Variants in HOMER2 observed in about 807,000 individuals in gnomAD.
The protein encoded by HOMER2 is homer protein homolog 2.
HOMER2 carries 27 observed loss-of-function variants against 47.0 expected under a neutral mutation model. The ratio of observed to expected loss-of-function variants is 0.57; its 90% CI spans 0.42 to 0.79. HOMER2 has a LOEUF of 0.79. HOMER2 is among the 30% of genes least tolerant of loss of function. HOMER2 has a pLI of 0.00. For missense variants in HOMER2, 443 were observed against 435.0 expected, an observed-to-expected ratio of 1.02 and a Z score of -0.16; for synonymous variants, 161 against 163.8, an observed-to-expected ratio of 0.98 and a Z score of 0.13.
chr15:82,950,304 A>G (rs1477230907), intron 1 of HOMER2, among the ~76,000 whole-genome samples: 1 of 152,210 alleles, frequency 6.6e-6, no homozygotes, highest in Non-Finnish European at 1.5e-5. Context: ...GAAGTGGAAA[A>G]TGGTAGTGAA....
chr15:82,906,040 G>C (rs996428535), intron 1 of HOMER2, among the ~76,000 whole-genome samples: 1 of 152,158 alleles, frequency 6.6e-6, no homozygotes, highest in Non-Finnish European at 1.5e-5. Flanking sequence ...ATGGGATGGA[G>C]GAGTTAGGAT....
chr15:82,858,905 G>A (rs964417969), intron 5 of HOMER2, 124 bp downstream of exon 5: 1 of 1,128,844 alleles, frequency 8.9e-7, no homozygotes, highest in Non-Finnish European at 1.2e-6. Context: ...GGAGACAAGA[G>A]TGGATGCTCT....
chr15:82,860,268 C>A (rs1389524651), intron 4 of HOMER2, among the ~76,000 whole-genome samples: 1 of 152,112 alleles, frequency 6.6e-6, no homozygotes, highest in Non-Finnish European at 1.5e-5. Context: ...ATATTAGTAT[C>A]TTTCCTATAT....
chr15:82,962,155 G>A (rs1293018278), intron 1 of HOMER2, among the ~76,000 whole-genome samples: 1 of 151,790 alleles, frequency 6.6e-6, no homozygotes, highest in Non-Finnish European at 1.5e-5. Context: ...CGGATCACGA[G>A]GTCAGGAGAT....
At chr15:82,888,733 A>G (rs1403652125) in intron 2 of HOMER2, among the ~76,000 whole-genome samples, 1 of 82,402 alleles carries the variant, frequency 1.2e-5, no homozygotes, top group Non-Finnish European at 2.3e-5. Flanking sequence ...AGGTGAGGCA[A>G]TGCCTCGCCC....
intron 1 of HOMER2, among the ~76,000 whole-genome samples, chr15:82,963,688 GTGT>G (rs2054649995): frequency 6.6e-6 from 1 of 152,220 alleles, no homozygotes. Flanking sequence ...ATGAACTGGA[GTGT>G]TCCATTAGCA....
At chr15:82,855,325 CAAAAAAAAAAA>C (rs1162254209) in intron 5 of HOMER2, among the ~76,000 whole-genome samples, 8 of 61,516 alleles carry the variant, frequency 1.3e-4, no homozygotes, top group East Asian at 5.9e-4. Flanking sequence ...ACTCCATCTC[CAAAAAAAAAAA>C]AAAAAAAAAA....
intron 1 of HOMER2, among the ~76,000 whole-genome samples, chr15:82,951,438 C>T (rs1052520644): frequency 2.6e-5 from 4 of 152,216 alleles, no homozygotes; most frequent in Non-Finnish European, 5.9e-5. Flanking sequence ...AGCCACTGAC[C>T]CAGGGGGGCT....
intron 1 of HOMER2, among the ~76,000 whole-genome samples, chr15:82,967,801 C>T (rs1414089056): frequency 1.3e-5 from 2 of 151,404 alleles, no homozygotes; most frequent in Non-Finnish European, 1.5e-5. Context: ...CACTTGCACC[C>T]GGAAAGCGGA....
At chr15:82,870,458 C>A (rs576475623) in intron 3 of HOMER2, among the ~76,000 whole-genome samples, 18 of 151,856 alleles carry the variant, frequency 1.2e-4, no homozygotes, top group Non-Finnish European at 2.4e-4. Flanking sequence ...AAGGAAAGGC[C>A]GATAAAAGAA....
At chr15:82,920,224 T>C (rs565098244) in intron 1 of HOMER2, among the ~76,000 whole-genome samples, 1 of 152,192 alleles carries the variant, frequency 6.6e-6, no homozygotes, top group Non-Finnish European at 1.5e-5. Flanking sequence ...TGTTTTGCTG[T>C]TGTAGATCCT....
chr15:82,854,912 C>G, intron 5 of HOMER2, 112 bp from the exon 6 acceptor site: 1 of 1,265,534 alleles, frequency 7.9e-7, no homozygotes, highest in Admixed American at 2.2e-5. Flanking sequence ...GGGGCCCACG[C>G]CCTCTCCCCA....
chr15:82,853,433 G>GA, intron 6 of HOMER2, among the ~76,000 whole-genome samples: 1 of 152,272 alleles, frequency 6.6e-6, no homozygotes, highest in East Asian at 1.9e-4. Context: ...GCACCAAGAT[G>GA]AAAAAATGAC....
intron 4 of HOMER2, 103 bp from the exon 5 acceptor site, chr15:82,859,238 G>A: frequency 6.4e-7 from 1 of 1,559,242 alleles, no homozygotes; most frequent in South Asian, 1.2e-5. Context: ...GGCATAATAA[G>A]AAACTTTACG....
At chr15:82,968,368 T>G (rs574934341) in intron 1 of HOMER2, among the ~76,000 whole-genome samples, 7 of 152,398 alleles carry the variant, frequency 4.6e-5, no homozygotes, top group African/African-American at 1.7e-4. Flanking sequence ...TTTCTGTCTG[T>G]ATGGATTTGC....
chr15:82,909,459 TG>T (rs980390869), intron 1 of HOMER2, among the ~76,000 whole-genome samples: 2 of 151,886 alleles, frequency 1.3e-5, no homozygotes, highest in Non-Finnish European at 2.9e-5. Flanking sequence ...ATTGGAGTGG[TG>T]GGGTGAGTAG....
At chr15:82,862,822 T>G (rs1446753411) in intron 4 of HOMER2, among the ~76,000 whole-genome samples, 2 of 152,126 alleles carry the variant, frequency 1.3e-5, no homozygotes, top group Non-Finnish European at 2.9e-5. Flanking sequence ...TCTGCCTTTG[T>G]GAAACATCCT....
intron 2 of HOMER2, among the ~76,000 whole-genome samples, chr15:82,879,536 T>G (rs1036466077): frequency 6.6e-6 from 1 of 152,154 alleles, no homozygotes; most frequent in Non-Finnish European, 1.5e-5. Flanking sequence ...AAATCATAGT[T>G]TGCAATAGCA....
In HOMER2 at chr15:82,875,306, A is replaced by G. The variant is rs1269996357; in HGVS notation, c.261T>C (p.Gly87=). The G allele has an allele frequency of 6.2e-7, 1 of 1,613,620 alleles. No homozygotes were observed. The highest frequency in any genetic ancestry group is 8.5e-7 in the Non-Finnish European group (1 of 1,179,864). ...WADSRANTVF[G]LGFSSEQQLT... ...GCTGCTGCTCAGAGGAAAACCCCAA[A>G]CCAAACACTGTGTTGGCTCTGCTGT... The change falls in exon 3 of 9, where the codon GGT becomes GGC. Residue 87 remains glycine, a synonymous_variant. Transcript: ENST00000450735.
Sources: gnomAD v4.1 joint callset for allele counts (sites outside exome capture counted in the v4.1 genomes callset) on GRCh38, gnomAD v4.1.1 for gene constraint, MANE v1.5 for transcripts, NCBI Gene and HGNC (gene_info 2026-07-23, HGNC 2026-07-21) for gene names.